Variants in PLCL1 observed in about 807,000 individuals in gnomAD.
PLCL1 encodes the protein inactive phospholipase C-like protein 1.
Under a neutral mutation model 84.4 loss-of-function variants are expected in PLCL1, and 41 were observed. That is an observed-to-expected ratio of 0.49 (90% CI 0.38 to 0.63). PLCL1 has a LOEUF of 0.63. Among genes scored for constraint, PLCL1 ranks in the 30% least tolerant of loss-of-function variants. The probability of loss-of-function intolerance (pLI) is 0.00; values close to 1 mark genes in which losing one functional copy is unlikely to be tolerated. For missense variants in PLCL1, 1,206 were observed against 1,367.8 expected, an observed-to-expected ratio of 0.88 and a Z score of 1.87; for synonymous variants, 490 against 488.3, an observed-to-expected ratio of 1.00 and a Z score of -0.05.
chr2:198,133,462 C>T (rs1423371543), intron 5 of PLCL1, among the ~76,000 whole-genome samples: 1 of 147,000 alleles, frequency 6.8e-6, no homozygotes, highest in Non-Finnish European at 1.5e-5. Flanking sequence ...ACCAGCATGG[C>T]ACATGTATAC....
At chr2:198,110,471 T>C (rs553342305) in intron 5 of PLCL1, among the ~76,000 whole-genome samples, 52 of 152,006 alleles carry the variant, frequency 3.4e-4, no homozygotes, top group African/African-American at 1.1e-3. Flanking sequence ...CAGAGGAAAT[T>C]ACATGGATGT....
intron 1 of PLCL1, among the ~76,000 whole-genome samples, chr2:197,979,512 G>C (rs1335386022): frequency 2.6e-5 from 4 of 152,148 alleles, no homozygotes; most frequent in Non-Finnish European, 1.5e-5. Context: ...TCTGCCACCA[G>C]CTTCATCCTA....
intron 5 of PLCL1, among the ~76,000 whole-genome samples, chr2:198,142,615 G>A (rs536307074): frequency 2.0e-5 from 3 of 152,174 alleles, no homozygotes; most frequent in Non-Finnish European, 4.4e-5. Flanking sequence ...ATGAGTCCAT[G>A]TTACTTTCTA....
intron 5 of PLCL1, among the ~76,000 whole-genome samples, chr2:198,140,021 C>A (rs1185440173): frequency 1.3e-5 from 2 of 152,056 alleles, no homozygotes; most frequent in Non-Finnish European, 2.9e-5. Context: ...GCAGCCTCCA[C>A]CTCCTGGGTT....
chr2:197,922,025 T>A (rs1382728117), intron 1 of PLCL1, among the ~76,000 whole-genome samples: 3 of 144,222 alleles, frequency 2.1e-5, no homozygotes, highest in African/African-American at 5.1e-5. Context: ...TTTAAATTTA[T>A]TTTTTTATTG....
intron 1 of PLCL1, among the ~76,000 whole-genome samples, chr2:197,990,726 G>C (rs963470676): frequency 1.3e-5 from 2 of 152,100 alleles, no homozygotes; most frequent in Non-Finnish European, 2.9e-5. Flanking sequence ...AGATTTGAGT[G>C]GGGACACAGC....
At chr2:197,904,984 C>T (rs912153328) in intron 1 of PLCL1, among the ~76,000 whole-genome samples, 3 of 152,120 alleles carry the variant, frequency 2.0e-5, no homozygotes, top group Non-Finnish European at 4.4e-5. Flanking sequence ...ACTTTTTTAG[C>T]ATCTAATTTT....
In PLCL1 at chr2:198,101,366, T is replaced by C. The variant is rs189167804; in HGVS notation, c.2995+6T>C. 67 of 1,474,866 alleles carry C rather than the reference T, an allele frequency of 4.5e-5. No homozygotes were observed. Among genetic ancestry groups the C allele is most frequent in the Admixed American group, 4.0e-4 (19 of 47,806 alleles). The allele number at this position is 1,474,866 out of a possible 1,614,324, so 91.4% of individuals were successfully genotyped here. On this transcript the variant is annotated splice_donor_region_variant and intron_variant, in intron 4 of 5. Coordinates refer to ENST00000428675, the MANE Select transcript of PLCL1 (RefSeq NM_006226.4). ...TGTACAGTGTCAGAAAGCAGGTAATTGTTTTTAATTTTTTTTTCTGTTTTT... is the reference window on the plus strand; with the variant it reads ...TGTACAGTGTCAGAAAGCAGGTAATCGTTTTTAATTTTTTTTTCTGTTTTT...
intron 1 of PLCL1, among the ~76,000 whole-genome samples, chr2:197,811,680 G>A (rs1283249383): frequency 6.6e-6 from 1 of 152,082 alleles, no homozygotes; most frequent in Non-Finnish European, 1.5e-5. Context: ...TTATAGGCAA[G>A]GTTATTGTGT....
At chr2:198,022,936 G>A (rs2139049) in intron 1 of PLCL1, among the ~76,000 whole-genome samples, 73,334 of 151,984 alleles carry the variant, frequency 0.48, 18,064 homozygotes, top group Middle Eastern at 0.63. Flanking sequence ...AGCCGGTATA[G>A]CCAAGACAAT....
intron 1 of PLCL1, among the ~76,000 whole-genome samples, chr2:198,036,840 C>T (rs10190226): frequency 0.69 from 104,345 of 152,062 alleles, 36,041 homozygotes; most frequent in Middle Eastern, 0.87. Context: ...TTTTACAGCT[C>T]GTTATACAAC....
chr2:197,902,053 A>G (rs1482445270), intron 1 of PLCL1, among the ~76,000 whole-genome samples: 1 of 152,178 alleles, frequency 6.6e-6, no homozygotes, highest in Non-Finnish European at 1.5e-5. Flanking sequence ...TTAGAGGGAA[A>G]AAAGGAGATT....
At chr2:198,065,616 G>T (rs959744878) in intron 1 of PLCL1, among the ~76,000 whole-genome samples, 2 of 152,112 alleles carry the variant, frequency 1.3e-5, no homozygotes, top group African/African-American at 4.8e-5. Context: ...GTGAATGTTT[G>T]CTTTATTGGC....
At chr2:197,947,280 A>G (rs1689297951) in intron 1 of PLCL1, among the ~76,000 whole-genome samples, 1 of 149,886 alleles carries the variant, frequency 6.7e-6, no homozygotes, top group Non-Finnish European at 1.5e-5. Flanking sequence ...ATTATGTATG[A>G]GCAAAATAGT....
At chr2:197,940,140 T>A (rs1433625413) in intron 1 of PLCL1, among the ~76,000 whole-genome samples, 2 of 152,254 alleles carry the variant, frequency 1.3e-5, no homozygotes, top group Non-Finnish European at 2.9e-5. Context: ...ATGCAAGTTA[T>A]TTTAATGAAA....
intron 1 of PLCL1, among the ~76,000 whole-genome samples, chr2:197,970,761 A>G (rs1689847938): frequency 6.6e-6 from 1 of 152,190 alleles, no homozygotes; most frequent in East Asian, 1.9e-4. Context: ...CCCCCACAAC[A>G]TCCAACAGTG....
intron 3 of PLCL1, among the ~76,000 whole-genome samples, chr2:198,094,185 CCCAGTAGCTGGGACAACAAACACCCA>C (rs1260510633): frequency 2.0e-5 from 3 of 152,072 alleles, no homozygotes; most frequent in Non-Finnish European, 4.4e-5. Context: ...CCTCCGCCTC[CCCAGTAGCTGGGACAACAAACACCCA>C]CCACCATGCC....
chr2:197,971,576 C>A (rs1689865698), intron 1 of PLCL1, among the ~76,000 whole-genome samples: 1 of 152,164 alleles, frequency 6.6e-6, no homozygotes, highest in Non-Finnish European at 1.5e-5. Flanking sequence ...ATACTCTCAT[C>A]AAAAGACCAT....
At chr2:198,136,858 C>T (rs1190069336) in intron 5 of PLCL1, among the ~76,000 whole-genome samples, 2 of 152,146 alleles carry the variant, frequency 1.3e-5, no homozygotes, top group East Asian at 3.9e-4. Context: ...TTATCCCACT[C>T]ATGAATCCTC....
Sources: gnomAD v4.1 joint callset for allele counts (sites outside exome capture counted in the v4.1 genomes callset) on GRCh38, gnomAD v4.1.1 for gene constraint, MANE v1.5 for transcripts, NCBI Gene and HGNC (gene_info 2026-07-23, HGNC 2026-07-21) for gene names.